ASIC2: variants seen among roughly 807,000 people sequenced by gnomAD.
ASIC2 encodes the protein acid sensing ion channel subunit 2, also known as acid-sensing ion channel 2.
ASIC2 carries 25 observed loss-of-function variants against 57.3 expected under a neutral mutation model. The observed-to-expected ratio is 0.44, with a 90% CI of 0.32 to 0.61. ASIC2 has a LOEUF of 0.61. ASIC2 is among the 20% of genes least tolerant of loss of function. The pLI is 0.06. For missense variants in ASIC2, 641 were observed against 738.1 expected (o/e 0.87, Z 1.52); for synonymous variants, 319 against 307.5 (o/e 1.04, Z -0.39).
chr17:33,965,466 G>A (rs915644011), intron 1 of ASIC2, among the ~76,000 whole-genome samples: 20 of 152,162 alleles, frequency 1.3e-4, no homozygotes, highest in Non-Finnish European at 2.4e-4. Flanking sequence ...AGCATGAAAG[G>A]ATGGGTATAA....
chr17:33,319,961 C>A (rs1906805747), intron 1 of ASIC2, among the ~76,000 whole-genome samples: 1 of 152,128 alleles, frequency 6.6e-6, no homozygotes, highest in South Asian at 2.1e-4. Flanking sequence ...GGGGAAAAAT[C>A]TTTGGGGAAG....
At chr17:34,030,333 G>C (rs1046101566) in intron 1 of ASIC2, among the ~76,000 whole-genome samples, 1 of 152,128 alleles carries the variant, frequency 6.6e-6, no homozygotes, top group Admixed American at 6.5e-5. Flanking sequence ...CGAAATTTTT[G>C]AGGGCCTACT....
chr17:33,156,165 T>C (rs1904996844), intron 1 of ASIC2, among the ~76,000 whole-genome samples: 1 of 151,356 alleles, frequency 6.6e-6, no homozygotes, highest in Non-Finnish European at 1.5e-5. Flanking sequence ...TCTCACTCCG[T>C]TGCCCAGGCT....
chr17:33,906,538 G>T (rs1388567949), intron 1 of ASIC2, among the ~76,000 whole-genome samples: 1 of 152,096 alleles, frequency 6.6e-6, no homozygotes, highest in Non-Finnish European at 1.5e-5. Context: ...GAAACCAGGT[G>T]GTACATTAAG....
chr17:33,719,629 C>T (rs938290129), intron 1 of ASIC2, among the ~76,000 whole-genome samples: 3 of 152,200 alleles, frequency 2.0e-5, no homozygotes, highest in Non-Finnish European at 4.4e-5. Flanking sequence ...GCGCAAACAT[C>T]ACAGTTGGGC....
intron 1 of ASIC2, among the ~76,000 whole-genome samples, chr17:33,583,621 G>C (rs1351928471): frequency 1.3e-5 from 2 of 152,316 alleles, no homozygotes; most frequent in East Asian, 1.9e-4. Context: ...GTTTAGGCCA[G>C]TGTTTTGCAT....
chr17:33,789,464 T>TCACACACACACA (rs3064584), intron 1 of ASIC2, among the ~76,000 whole-genome samples: 9 of 144,414 alleles, frequency 6.2e-5, no homozygotes, highest in South Asian at 2.2e-4. Flanking sequence ...AGAATCATGG[T>TCACACACACACA]CACACACACA....
chr17:33,486,956 A>T (rs961945662), intron 1 of ASIC2, among the ~76,000 whole-genome samples: 2 of 152,226 alleles, frequency 1.3e-5, no homozygotes, highest in African/African-American at 4.8e-5. Flanking sequence ...GCCCAGTCCT[A>T]GGTGGAGGTG....
intron 2 of ASIC2, 60 bp downstream of exon 2, chr17:33,111,857 C>T: frequency 5.8e-6 from 9 of 1,546,174 alleles, no homozygotes; most frequent in Non-Finnish European, 7.0e-6. Context: ...ACCAGCCTTT[C>T]AGAGTCAGGC....
chr17:33,426,124 T>G (rs1292906495), intron 1 of ASIC2, among the ~76,000 whole-genome samples: 1 of 152,138 alleles, frequency 6.6e-6, no homozygotes, highest in African/African-American at 2.4e-5. Flanking sequence ...GTTGAACTAT[T>G]TGTTTTTGTT....
chr17:33,578,881 G>A (rs572978921), intron 1 of ASIC2, among the ~76,000 whole-genome samples: 57 of 152,280 alleles, frequency 3.7e-4, no homozygotes, highest in Middle Eastern at 3.4e-3. Context: ...CAGTGACCGT[G>A]GTAAAACCCT....
At chr17:33,272,122 C>T (rs898379065) in intron 1 of ASIC2, among the ~76,000 whole-genome samples, 11 of 152,238 alleles carry the variant, frequency 7.2e-5, no homozygotes, top group African/African-American at 2.4e-4. Flanking sequence ...CAAATGCCAC[C>T]TGTTCATGCA....
chr17:33,352,908 C>T (rs1470442226), intron 1 of ASIC2, among the ~76,000 whole-genome samples: 1 of 152,166 alleles, frequency 6.6e-6, no homozygotes, highest in East Asian at 1.9e-4. Flanking sequence ...AACCCTCCCT[C>T]ATTCTTCAAG....
At chr17:34,139,554 T>C (rs539966607) in intron 1 of ASIC2, among the ~76,000 whole-genome samples, 7 of 147,056 alleles carry the variant, frequency 4.8e-5, no homozygotes, top group South Asian at 4.5e-4. Context: ...GGTGCATCCA[T>C]AGAGTGGAAT....
intron 1 of ASIC2, among the ~76,000 whole-genome samples, chr17:33,866,268 T>A (rs984776295): frequency 6.6e-6 from 1 of 152,194 alleles, no homozygotes; most frequent in Non-Finnish European, 1.5e-5. Context: ...AAATTGCCAC[T>A]TTTCTGTACC....
At chr17:33,123,400 AAG>A (rs2092310598) in intron 1 of ASIC2, among the ~76,000 whole-genome samples, 1 of 152,234 alleles carries the variant, frequency 6.6e-6, no homozygotes, top group Non-Finnish European at 1.5e-5. Flanking sequence ...CAGGCACAGA[AAG>A]AGAAATACCA....
At chr17:33,598,231 G>A (rs899870730) in intron 1 of ASIC2, among the ~76,000 whole-genome samples, 2 of 152,142 alleles carry the variant, frequency 1.3e-5, no homozygotes, top group Admixed American at 6.5e-5. Context: ...GGTTCATCTC[G>A]CTTTTAACTC....
At chr17:33,241,784 C>A (rs1211677769) in intron 1 of ASIC2, among the ~76,000 whole-genome samples, 2 of 152,142 alleles carry the variant, frequency 1.3e-5, no homozygotes, top group Non-Finnish European at 2.9e-5. Flanking sequence ...GAATGCATGG[C>A]CCCTGTCCTC....
chr17:33,651,235 G>C lies in ASIC2; in HGVS notation c.555+504743C>G, dbSNP rs180866595. Among the ~76,000 whole-genome samples the C allele has an allele frequency of 2.6e-5, 4 of 152,162 alleles. No homozygotes were observed. The East Asian group carries it at 5.8e-4, about 22-fold the overall frequency. ...TGGTTAAGTGTATTGTGCCACTGTCGATTTCCTGGTTTTGATCATTTGTTA... is the reference window on the plus strand; with the variant it reads ...TGGTTAAGTGTATTGTGCCACTGTCCATTTCCTGGTTTTGATCATTTGTTA... On this transcript the variant is annotated intron_variant, in intron 1 of 9. Coordinates refer to the ASIC2 transcript ENST00000359872.
Sources: allele counts gnomAD v4.1 joint callset (sites outside exome capture counted in the v4.1 genomes callset), GRCh38; gene constraint gnomAD v4.1.1; transcripts MANE v1.5; gene names NCBI Gene and HGNC (gene_info 2026-07-23, HGNC 2026-07-21).